The following EIF3L variants were observed in gnomAD, a reference collection of about 807,000 sequenced individuals.
EIF3L encodes the protein eIEF associated protein HSPC021.
A neutral mutation model predicts 74.6 loss-of-function variants in EIF3L; 32 were observed. The ratio of observed to expected loss-of-function variants is 0.43; its 90% CI spans 0.32 to 0.58. EIF3L has a LOEUF of 0.58. EIF3L is among the 20% of genes least tolerant of loss of function. The probability of loss-of-function intolerance (pLI) is 0.06; values close to 1 mark genes in which losing one functional copy is unlikely to be tolerated. For missense variants in EIF3L, 474 were observed against 707.8 expected (o/e 0.67, Z 3.75); for synonymous variants, 256 against 254.4 (o/e 1.01, Z -0.06).
At chr22:37,856,657 T>G (rs1925525829) in intron 4 of EIF3L, among the ~76,000 whole-genome samples, 1 of 151,790 alleles carries the variant, frequency 6.6e-6, no homozygotes, top group African/African-American at 2.4e-5. Flanking sequence ...CCAGCCTGAT[T>G]AACGTGGAGA....
intron 12 of EIF3L, chr22:37,888,149 G>T: frequency 2.7e-6 from 1 of 371,802 alleles, no homozygotes; most frequent in South Asian, 7.5e-5. Flanking sequence ...ACCTTGAAAC[G>T]TCTGGCCAGT....
At position 37,874,358 on chromosome 22, in the gene EIF3L, T is replaced by G. The variant is rs1396400154; in HGVS notation, c.752-12T>G. 1.2e-6 allele frequency: 2 copies of G among 1,612,930 alleles called. No individual in the cohort carries two copies. The highest frequency in any genetic ancestry group is 3.3e-5 in the Admixed American group (2 of 59,916). ...GCCTCCTATCAGTATTCACGGTGTC[T>G]GTCTCTTTCAGGTGACCCTGAGAGT... On this transcript the variant is annotated splice_polypyrimidine_tract_variant and intron_variant, in intron 8 of 12. Transcript: ENST00000652021.
chr22:37,886,366 T>C, intron 11 of EIF3L: 1 of 154,244 alleles, frequency 6.5e-6, no homozygotes, highest in Non-Finnish European at 1.4e-5. Flanking sequence ...GTCAGGAGTT[T>C]GAGACCAGCC....
intron 8 of EIF3L, 101 bp downstream of exon 8, chr22:37,870,448 T>C (rs2145825284): frequency 1.7e-6 from 2 of 1,191,024 alleles, no homozygotes; most frequent in African/African-American, 1.5e-5. Context: ...TGAGTCACCA[T>C]GTCTTAGGTG....
intron 7 of EIF3L, among the ~76,000 whole-genome samples, chr22:37,867,682 C>T (rs955545958): frequency 6.7e-5 from 10 of 148,212 alleles, no homozygotes; most frequent in African/African-American, 2.2e-4. Flanking sequence ...AAAATCAGCG[C>T]GGTGGTTCAC....
chr22:37,855,610 C>T lies in EIF3L; in HGVS notation c.339C>T (p.Pro113=), dbSNP rs758879574. 14 of 1,613,944 alleles carry T rather than the reference C, an allele frequency of 8.7e-6. No homozygotes were observed. Among genetic ancestry groups the T allele is most frequent in the Middle Eastern group, 1.6e-4 (1 of 6,080 alleles). Residue 113 remains proline (P), a synonymous_variant, in exon 4 of 13, where the codon CCC becomes CCT. Transcript: ENST00000652021. The part of the protein sequence containing the change: ...TERFFKNTPW[P]EAEAIAPQVG... ...GATTCTTCAAGAATACACCTTGGCC[C>T]GAGGCTGAAGCCATTGCTCCACAGG...
chr22:37,859,297 C>A (rs1925711039), intron 5 of EIF3L, among the ~76,000 whole-genome samples: 1 of 150,170 alleles, frequency 6.7e-6, no homozygotes, highest in African/African-American at 2.5e-5. Context: ...CACCAGTATT[C>A]TACACATTAT....
chr22:37,849,895 A>G, intron 1 of EIF3L, 120 bp from the exon 2 acceptor site: 1 of 1,051,004 alleles, frequency 9.5e-7, no homozygotes, highest in Non-Finnish European at 1.5e-6. Context: ...CCTCAAAGGC[A>G]GGCACAGTGT....
intron 3 of EIF3L, among the ~76,000 whole-genome samples, chr22:37,854,961 A>T (rs1290857397): frequency 1.3e-5 from 2 of 152,198 alleles, no homozygotes; most frequent in East Asian, 3.9e-4. Flanking sequence ...TTTTTAGGGG[A>T]ACTTGAGCAT....
intron 11 of EIF3L, chr22:37,885,176 CT>C (rs1927255915): frequency 6.6e-6 from 1 of 152,130 alleles, no homozygotes; most frequent in Non-Finnish European, 1.5e-5. Context: ...CTGCCCACCT[CT>C]GCCTCCCAAA....
At chr22:37,857,831 G>A (rs990244190) in intron 4 of EIF3L, among the ~76,000 whole-genome samples, 3 of 152,064 alleles carry the variant, frequency 2.0e-5, no homozygotes, top group African/African-American at 4.8e-5. Flanking sequence ...ACTGCACCTG[G>A]CCTGAACATT....
intron 5 of EIF3L, among the ~76,000 whole-genome samples, chr22:37,860,238 T>G (rs980103440): frequency 6.6e-6 from 1 of 152,232 alleles, no homozygotes; most frequent in Non-Finnish European, 1.5e-5. Context: ...TGCTACCGTT[T>G]ATTACCAAGT....
intron 11 of EIF3L, 93 bp from the exon 12 acceptor site, chr22:37,886,672 T>C: frequency 9.8e-7 from 1 of 1,018,724 alleles, no homozygotes; most frequent in Non-Finnish European, 1.5e-6. Context: ...ACACTCACCA[T>C]CATTATCACT....
Position 37,874,467 on chromosome 22 carries a change from G to C in EIF3L, c.849G>C (p.Leu283=), listed in dbSNP as rs1316601054. The change falls in exon 9 of 13, where the codon CTG becomes CTC. Residue 283 remains leucine, a synonymous_variant. Transcript: ENST00000652021. ...SLVGLLRLHS[L]LGDYYQAIKV... is the part of the protein sequence containing the mutation. ...TCGGGCTTCTCCGCCTGCACTCCCT[G>C]TTAGGAGATTACTACCAGGCCATCA... 6.2e-7 allele frequency: 1 copy of C among 1,614,034 alleles called. No homozygotes were observed.
chr22:37,868,109 G>GTTTTTTTTTTTT (rs1926257864), intron 7 of EIF3L, among the ~76,000 whole-genome samples: 1 of 128,718 alleles, frequency 7.8e-6, no homozygotes, highest in African/African-American at 3.0e-5. Context: ...TTCTTTGTAG[G>GTTTTTTTTTTTT]ATTTTTTTTT....
In EIF3L at chr22:37,869,610, G is replaced by A. The variant is rs543428893; in HGVS notation, c.580-566G>A. The stretch of plus-strand genomic sequence containing the variant: ...AGGAGTGCTTCCAGGTTCTACTTCT[G>A]TCCCAAACAGATTCCTGTGGCATAT... On this transcript the variant is annotated intron_variant, in intron 7 of 12. Transcript: ENST00000652021. 2.1e-3 allele frequency among the ~76,000 whole-genome samples: 321 copies of A among 152,286 alleles called. 1 individual carries two copies. The highest frequency in any genetic ancestry group is 3.8e-3 in the Non-Finnish European group (259 of 68,030).
At chr22:37,885,498 C>T (rs1927272268) in intron 11 of EIF3L, 1 of 151,588 alleles carries the variant, frequency 6.6e-6, no homozygotes, top group Non-Finnish European at 1.5e-5. Context: ...GAAATCCTAT[C>T]AGAGATTTAG....
chr22:37,877,750 G>A lies in EIF3L; in HGVS notation c.1154G>A (p.Ser385Asn). The change falls in exon 11 of 13, where the codon AGC becomes AAC. Residue 385 changes from serine to asparagine, a missense_variant. Transcript: ENST00000652021. Reference protein sequence around the residue: ...LTMYPMRIDESIHLQLREKYG... With the variant: ...LTMYPMRIDENIHLQLREKYG... Reference sequence around the variant, plus strand: ...ATGTACCCCATGCGTATTGATGAGAGCATTCACCTCCAGCTGCGGGAGAAA... The same window carrying A: ...ATGTACCCCATGCGTATTGATGAGAACATTCACCTCCAGCTGCGGGAGAAA... 6.2e-7 allele frequency: 1 copy of A among 1,613,864 alleles called. No homozygotes were observed. The highest frequency in any genetic ancestry group is 8.5e-7 in the Non-Finnish European group (1 of 1,179,854).
chr22:37,872,899 A>G (rs935090465), intron 8 of EIF3L, among the ~76,000 whole-genome samples: 1 of 151,950 alleles, frequency 6.6e-6, no homozygotes, highest in African/African-American at 2.4e-5. Context: ...GAACTGTTTT[A>G]TAGGTAGCAA....
Sources: gnomAD v4.1 joint callset for allele counts (sites outside exome capture counted in the v4.1 genomes callset) on GRCh38, gnomAD v4.1.1 for gene constraint, MANE v1.5 for transcripts, NCBI Gene and HGNC (gene_info 2026-07-23, HGNC 2026-07-21) for gene names.